The following ATXN7 variants were observed in gnomAD, a reference collection of about 807,000 sequenced individuals.
The protein encoded by ATXN7 is ataxin 7.
Under a neutral mutation model 70.5 loss-of-function variants are expected in ATXN7, and 12 were observed. The observed-to-expected ratio is 0.17, with a 90% CI of 0.11 to 0.28. The LOEUF (loss-of-function observed/expected upper bound fraction) is 0.28, where lower values mean the gene tolerates loss of function less well. Among genes scored for constraint, ATXN7 ranks in the 10% least tolerant of loss-of-function variants. ATXN7 has a pLI of 1.00. For missense variants in ATXN7, 1,256 were observed against 1,131.7 expected (o/e 1.11, Z -1.58); for synonymous variants, 498 against 448.7 (o/e 1.11, Z -1.39).
At chr3:63,919,207 CGTA>C (rs1206510641) in intron 4 of ATXN7, among the ~76,000 whole-genome samples, 1 of 152,164 alleles carries the variant, frequency 6.6e-6, no homozygotes, top group Non-Finnish European at 1.5e-5. Context: ...TTTATTGAAA[CGTA>C]GTGACGGGCA....
At chr3:63,937,014 TAAG>T (rs979224983) in intron 4 of ATXN7, among the ~76,000 whole-genome samples, 10 of 152,194 alleles carry the variant, frequency 6.6e-5, no homozygotes, top group South Asian at 2.1e-4. Context: ...AGCTCAATGA[TAAG>T]AAGTCTAAAA....
At chr3:63,994,747 C>G (rs570685437) in intron 11 of ATXN7, among the ~76,000 whole-genome samples, 71 of 152,296 alleles carry the variant, frequency 4.7e-4, no homozygotes, top group South Asian at 2.5e-3. Flanking sequence ...TTGTCTTCTG[C>G]CACCTCGGTT....
At chr3:63,864,213 C>G (rs1002325192) in intron 1 of ATXN7, among the ~76,000 whole-genome samples, 55 bp downstream of exon 1, 1 of 150,172 alleles carries the variant, frequency 6.7e-6, no homozygotes, top group East Asian at 2.0e-4. Flanking sequence ...AGCTGCGGGC[C>G]GCCCGCAGTC....
At chr3:63,970,424 T>C (rs2075292190) in intron 5 of ATXN7, among the ~76,000 whole-genome samples, 1 of 152,184 alleles carries the variant, frequency 6.6e-6, no homozygotes. Flanking sequence ...AAAAGGGTGT[T>C]ATACTCATAG....
intron 4 of ATXN7, among the ~76,000 whole-genome samples, chr3:63,925,546 AC>A (rs1056669058): frequency 6.6e-6 from 1 of 151,684 alleles, no homozygotes; most frequent in Non-Finnish European, 1.5e-5. Flanking sequence ...GGTTCCCCTG[AC>A]CCCCCCAACC....
At chr3:63,934,984 G>T (rs2074632233) in intron 4 of ATXN7, among the ~76,000 whole-genome samples, 2 of 152,196 alleles carry the variant, frequency 1.3e-5, no homozygotes, top group African/African-American at 4.8e-5. Flanking sequence ...AACGTTGCCA[G>T]TGTTTCCTGG....
At chr3:63,878,891 T>C (rs1364812974) in intron 1 of ATXN7, among the ~76,000 whole-genome samples, 1 of 152,168 alleles carries the variant, frequency 6.6e-6, no homozygotes, top group Non-Finnish European at 1.5e-5. Flanking sequence ...TCTGACTTTT[T>C]TCTTTGCTCT....
In ATXN7 at chr3:63,995,491, C is replaced by A. The variant is rs764137915; in HGVS notation, c.1683-14C>A. ...TGTGGTCAGTGTCATTCACTGTCCT[C>A]TAATTTTTTTCAGGAAAATCCCACC... On this transcript the variant is annotated splice_polypyrimidine_tract_variant and intron_variant, in intron 11 of 12. Coordinates refer to ENST00000674280, the MANE Select transcript of ATXN7 (RefSeq NM_001377405.1). 6.2e-7 allele frequency: 1 copy of A among 1,613,462 alleles called. No individual in the cohort carries two copies. The highest frequency in any genetic ancestry group is 8.5e-7 in the Non-Finnish European group (1 of 1,179,580).
chr3:63,982,377 C>T lies in ATXN7; in HGVS notation c.944C>T (p.Pro315Leu), dbSNP rs370779210. 4.3e-6 allele frequency: 7 copies of T among 1,613,738 alleles called. No homozygotes were observed. Among genetic ancestry groups the T allele is most frequent in the Non-Finnish European group, 5.9e-6 (7 of 1,179,838 alleles). ...CTGAATGGCAAAGGGCTTCCTGCAC[C>T]GCCCACTCTGGAAAAGAAACCTGAA... ...QILNGKGLPA[P>L]PTLEKKPEDN... Residue 315 changes from proline (P) to leucine (L), a missense_variant, in exon 7 of 13, where the codon CCG becomes CTG. Physicochemically the swap from Pro to Leu is moderately conservative, Grantham distance 98. Transcript: ENST00000674280.
rs919225417 is a variant in ATXN7, at chr3:63,913,216, T to C, written c.385T>C (p.Cys129Arg). 3.1e-6 allele frequency: 5 copies of C among 1,613,824 alleles called. No individual in the cohort carries two copies. In the Admixed American group the frequency reaches 6.7e-5, roughly 22 times the overall value. ...GAAAAACCGCGAAGTCATGGGGCTC[T>C]GTCGGGAAGGTGAGTCCAGCCCCCC... Reference protein sequence around the residue: ...FGKNREVMGLCREDMPIFGFC... With the variant: ...FGKNREVMGLRREDMPIFGFC... Residue 129 changes from cysteine (C) to arginine (R), a missense_variant, in exon 4 of 13, where the codon TGT becomes CGT. Cys to Arg is a radical substitution (Grantham distance 180). Transcript: ENST00000674280.
intron 4 of ATXN7, among the ~76,000 whole-genome samples, chr3:63,922,010 G>A (rs955705384): frequency 3.9e-5 from 6 of 152,036 alleles, no homozygotes; most frequent in Non-Finnish European, 7.4e-5. Flanking sequence ...CAAATGAACC[G>A]CAGTTTTTTT....
intron 1 of ATXN7, among the ~76,000 whole-genome samples, chr3:63,868,132 G>A (rs1702490144): frequency 6.6e-6 from 1 of 152,152 alleles, no homozygotes. Context: ...GAGTAAATGG[G>A]TCTTTCAGCT....
At chr3:63,951,826 C>G (rs2074958483) in intron 4 of ATXN7, among the ~76,000 whole-genome samples, 1 of 152,184 alleles carries the variant, frequency 6.6e-6, no homozygotes, top group South Asian at 2.1e-4. Flanking sequence ...AAAGTTCATT[C>G]TGCCTTTCTG....
At chr3:63,906,530 T>C (rs1703845239) in intron 2 of ATXN7, among the ~76,000 whole-genome samples, 1 of 152,220 alleles carries the variant, frequency 6.6e-6, no homozygotes, top group African/African-American at 2.4e-5. Flanking sequence ...GGAGACTAAA[T>C]GTATGTCTCA....
chr3:63,954,198 T>C (rs1423628689), intron 5 of ATXN7, among the ~76,000 whole-genome samples: 1 of 152,220 alleles, frequency 6.6e-6, no homozygotes, highest in Non-Finnish European at 1.5e-5. Flanking sequence ...GACAATATTT[T>C]GGAAAAATCA....
intron 5 of ATXN7, among the ~76,000 whole-genome samples, chr3:63,953,929 T>C (rs1014320210): frequency 6.6e-6 from 1 of 152,194 alleles, no homozygotes; most frequent in Non-Finnish European, 1.5e-5. Flanking sequence ...ATTACAGGCA[T>C]GAGCCACGCG....
chr3:63,972,346 G>A (rs2106727746), intron 5 of ATXN7, among the ~76,000 whole-genome samples: 1 of 152,252 alleles, frequency 6.6e-6, no homozygotes, highest in East Asian at 1.9e-4. Flanking sequence ...CGTCATTATG[G>A]GATGTTTGTG....
Position 63,995,840 on chromosome 3 carries a change from A to C in ATXN7, c.2018A>C (p.Lys673Thr). 1 of 1,614,204 alleles carries C rather than the reference A, an allele frequency of 6.2e-7. No homozygotes were observed. Among genetic ancestry groups the C allele is most frequent in the East Asian group, 2.2e-5 (1 of 44,880 alleles). The change falls in exon 12 of 13, where the codon AAA becomes ACA. Residue 673 changes from lysine (K) to threonine (T), a missense_variant. By Grantham distance (78) the Lys-to-Thr change is moderately conservative (BLOSUM62 -1). Coordinates refer to ENST00000674280, the MANE Select transcript of ATXN7 (RefSeq NM_001377405.1). ...TCCCCCATGTCCAGGAAACCTCAGAAATTGAAATCCAGCAAATCTTTGAGG... is the reference window on the plus strand; with the variant it reads ...TCCCCCATGTCCAGGAAACCTCAGACATTGAAATCCAGCAAATCTTTGAGG... ...PSSPMSRKPQ[K>T]LKSSKSLRPK...
At chr3:63,892,048 T>G (rs1485479363) in intron 1 of ATXN7, among the ~76,000 whole-genome samples, 1 of 152,166 alleles carries the variant, frequency 6.6e-6, no homozygotes, top group African/African-American at 2.4e-5. Context: ...GTGGTGAAGA[T>G]TAAACAAGAC....
Sources: allele counts gnomAD v4.1 joint callset (sites outside exome capture counted in the v4.1 genomes callset), GRCh38; gene constraint gnomAD v4.1.1; transcripts MANE v1.5; gene names NCBI Gene and HGNC (gene_info 2026-07-23, HGNC 2026-07-21).